The following RANBP9 variants were observed in gnomAD, a reference collection of about 807,000 sequenced individuals.
RANBP9 encodes RAN binding protein 9, also known as ran-binding protein 9.
A neutral mutation model predicts 84.3 loss-of-function variants in RANBP9; 15 were observed. The ratio of observed to expected loss-of-function variants is 0.18; its 90% confidence interval spans 0.12 to 0.27. The LOEUF (loss-of-function observed/expected upper bound fraction) is 0.27, where lower values mean the gene tolerates loss of function less well. RANBP9 is among the 10% of genes least tolerant of loss of function. The probability of loss-of-function intolerance (pLI) is 1.00; values close to 1 mark genes in which losing one functional copy is unlikely to be tolerated. For missense variants in RANBP9, 809 were observed against 912.8 expected (o/e 0.89, Z 1.46); for synonymous variants, 392 against 349.6 (o/e 1.12, Z -1.35).
intron 8 of RANBP9, among the ~76,000 whole-genome samples, chr6:13,640,554 A>G (rs2127764869): frequency 6.6e-6 from 1 of 152,370 alleles, no homozygotes; most frequent in African/African-American, 2.4e-5. Context: ...AGTATTATCC[A>G]AACAATGGAG....
rs551159634 is a variant in RANBP9, at chr6:13,694,128, A to G, written c.683+2657T>C. 2.6e-5 allele frequency among the ~76,000 whole-genome samples: 4 copies of G among 152,342 alleles called. No homozygotes were observed. In the South Asian group the frequency reaches 8.3e-4, roughly 32 times the overall value. On this transcript the variant is annotated intron_variant, in intron 2 of 13. Coordinates refer to ENST00000011619, the MANE Select transcript of RANBP9 (RefSeq NM_005493.3). ...GTGAAACAATTTGGCAGTTTCTTAC[A>G]AAGTTAAAAATACACTTAACTACAA...
At chr6:13,641,713 C>G (rs1163995794) in intron 7 of RANBP9, among the ~76,000 whole-genome samples, 1 of 152,106 alleles carries the variant, frequency 6.6e-6, no homozygotes, top group Non-Finnish European at 1.5e-5. Context: ...ACTCGTTGAG[C>G]ATTCACTTGA....
chr6:13,669,765 G>A (rs746816753), intron 2 of RANBP9, among the ~76,000 whole-genome samples: 18 of 151,816 alleles, frequency 1.2e-4, no homozygotes, highest in Non-Finnish European at 1.9e-4. Context: ...ACTTTTTTTC[G>A]CATTTTTTGT....
intron 12 of RANBP9, among the ~76,000 whole-genome samples, chr6:13,626,712 G>A (rs1324152484): frequency 6.6e-6 from 1 of 152,168 alleles, no homozygotes; most frequent in African/African-American, 2.4e-5. Flanking sequence ...CAATTTGTGA[G>A]TTCAGGAACA....
At chr6:13,700,636 C>T (rs1757944923) in intron 1 of RANBP9, among the ~76,000 whole-genome samples, 1 of 152,184 alleles carries the variant, frequency 6.6e-6, no homozygotes, top group Non-Finnish European at 1.5e-5. Context: ...ACACTTAACA[C>T]TCACGTTTAA....
chr6:13,644,772 T>C, intron 5 of RANBP9, 43 bp from the exon 6 acceptor site: 6 of 1,372,920 alleles, frequency 4.4e-6, no homozygotes, highest in Non-Finnish European at 5.9e-6. Context: ...CCATTTTATG[T>C]TAGATTTAAT....
chr6:13,665,950 T>C (rs941162700), intron 2 of RANBP9, among the ~76,000 whole-genome samples: 1 of 152,150 alleles, frequency 6.6e-6, no homozygotes, highest in Admixed American at 6.5e-5. Context: ...AAACAGTGGC[T>C]GCCTCTGAAA....
In RANBP9 at chr6:13,711,126, C is replaced by T; in HGVS notation, c.380G>A (p.Ser127Asn). 6.5e-7 allele frequency: 1 copy of T among 1,543,602 alleles called. No individual in the cohort carries two copies. Reference sequence around the variant, plus strand: ...GTGAGGGAAGGGGGCCGCGGCGCTGCTGCCCGCCACCAGAGCTGGGGTCGG... The same window carrying T: ...GTGAGGGAAGGGGGCCGCGGCGCTGTTGCCCGCCACCAGAGCTGGGGTCGG... ...GAPTPALVAG[S>N]SAAAPFPHGD... The change falls in exon 1 of 14, where the codon AGC (serine) becomes AAC (asparagine). Residue 127 changes from serine (S) to asparagine (N), a missense_variant. By Grantham distance (46) the Ser-to-Asn change is conservative. Coordinates refer to ENST00000011619, the MANE Select transcript of RANBP9 (RefSeq NM_005493.3).
intron 12 of RANBP9, 98 bp from the exon 13 acceptor site, chr6:13,625,862 C>T: frequency 1.2e-6 from 1 of 822,052 alleles, no homozygotes; most frequent in Non-Finnish European, 2.1e-6. Context: ...CTTCCAGGCA[C>T]AGACTAATAA....
At chr6:13,666,837 A>G (rs1320474518) in intron 2 of RANBP9, among the ~76,000 whole-genome samples, 2 of 152,026 alleles carry the variant, frequency 1.3e-5, no homozygotes, top group Non-Finnish European at 2.9e-5. Flanking sequence ...AAAACACCTA[A>G]GTTTATGCCT....
At chr6:13,686,241 A>G (rs1766182254) in intron 2 of RANBP9, among the ~76,000 whole-genome samples, 1 of 151,020 alleles carries the variant, frequency 6.6e-6, no homozygotes, top group Admixed American at 6.6e-5. Flanking sequence ...TATAGCTGGG[A>G]CCACAGGTGC....
intron 2 of RANBP9, among the ~76,000 whole-genome samples, chr6:13,665,416 T>C (rs1177689930): frequency 6.6e-6 from 1 of 151,912 alleles, no homozygotes; most frequent in Admixed American, 6.6e-5. Flanking sequence ...ATCAGGAAAA[T>C]GCAAATTAAA....
chr6:13,690,266 A>G (rs569788547), intron 2 of RANBP9, among the ~76,000 whole-genome samples: 1 of 152,302 alleles, frequency 6.6e-6, no homozygotes, highest in South Asian at 2.1e-4. Context: ...GCTGCTGACG[A>G]TGTGCTATAT....
intron 1 of RANBP9, 148 bp from the exon 2 acceptor site, chr6:13,697,044 T>C: frequency 1.8e-6 from 1 of 565,538 alleles, no homozygotes; most frequent in Non-Finnish European, 3.0e-6. Context: ...ACGTTTATCA[T>C]CACCATGAAC....
At chr6:13,677,472 T>TA (rs1047878469) in intron 2 of RANBP9, among the ~76,000 whole-genome samples, 4 of 152,202 alleles carry the variant, frequency 2.6e-5, no homozygotes, top group Non-Finnish European at 5.9e-5. Context: ...ATCTTTTTTT[T>TA]ATCTTACAAG....
At chr6:13,689,431 C>A (rs189681914) in intron 2 of RANBP9, among the ~76,000 whole-genome samples, 62 of 152,082 alleles carry the variant, frequency 4.1e-4, no homozygotes, top group Middle Eastern at 6.8e-3. Context: ...CCACCACACC[C>A]AGCTAATTTT....
At chr6:13,658,724 T>G in intron 3 of RANBP9, 56 bp downstream of exon 3, 2 of 1,364,684 alleles carry the variant, frequency 1.5e-6, no homozygotes, top group African/African-American at 2.9e-5. Flanking sequence ...CTTGAAAAAT[T>G]TAACCAGAAA....
At chr6:13,685,929 C>CAAA (rs566635171) in intron 2 of RANBP9, among the ~76,000 whole-genome samples, 72 of 99,654 alleles carry the variant, frequency 7.2e-4, no homozygotes, top group African/African-American at 2.3e-3. Context: ...GACTCTGTCT[C>CAAA]AAAAAAAAAA....
Position 13,666,565 on chromosome 6 carries a change from CAGG to C in RANBP9, c.684-7736_684-7734del, listed in dbSNP as rs1162797711. ...CCATGGTGAGAGAAGCGCTTGAGTC[CAGG>C]AGTTCAAGACCAGCCTGGGACCCCG... On this transcript the variant is annotated intron_variant, in intron 2 of 13. Transcript: ENST00000011619. 3.1e-5 allele frequency among the ~76,000 whole-genome samples: 4 copies of C among 130,774 alleles called. No individual in the cohort carries two copies. In the East Asian group the frequency reaches 8.7e-4, roughly 28 times the overall value. The allele number at this position is 130,774 out of a possible 152,430, so 85.8% of individuals were successfully genotyped here.
Sources: gnomAD v4.1 joint callset for allele counts (sites outside exome capture counted in the v4.1 genomes callset) on GRCh38, gnomAD v4.1.1 for gene constraint, MANE v1.5 for transcripts, NCBI Gene and HGNC (gene_info 2026-07-23, HGNC 2026-07-21) for gene names.